The following PDE1C variants were observed in gnomAD, a reference collection of about 807,000 sequenced individuals.
PDE1C encodes dual specificity calcium/calmodulin-dependent 3',5'-cyclic nucleotide phosphodiesterase 1C.
PDE1C carries 62 observed loss-of-function variants against 93.1 expected under a neutral mutation model. That is an observed-to-expected ratio of 0.67 (90% CI 0.54 to 0.82). The LOEUF (loss-of-function observed/expected upper bound fraction) is 0.82. PDE1C is among the 40% of genes least tolerant of loss of function. PDE1C has a pLI of 0.00. For missense variants in PDE1C, 742 were observed against 884.6 expected (o/e 0.84, Z 2.04); for synonymous variants, 325 against 310.1 (o/e 1.05, Z -0.50).
At chr7:31,691,261 C>T in the PDE1C span, among the ~76,000 whole-genome samples, 3 of 152,236 alleles carry the variant, frequency 2.0e-5, no homozygotes, top group South Asian at 2.1e-4. Flanking sequence ...CAGAGAAAAC[C>T]GGTTTATTCC....
At chr7:31,784,243 A>C (rs1783685060) in intron 16 of PDE1C, 1 of 152,138 alleles carries the variant, frequency 6.6e-6, no homozygotes, top group Non-Finnish European at 1.5e-5. Flanking sequence ...TTAGGATGCT[A>C]TGTATTTAAT....
chr7:31,966,810 C>G (rs1810056235), intron 2 of PDE1C, among the ~76,000 whole-genome samples: 1 of 152,184 alleles, frequency 6.6e-6, no homozygotes, highest in South Asian at 2.1e-4. Context: ...GAAACACACT[C>G]AAAACCACTC....
chr7:31,720,530 C>T, the PDE1C span, among the ~76,000 whole-genome samples: 1 of 152,264 alleles, frequency 6.6e-6, no homozygotes, highest in South Asian at 2.1e-4. Flanking sequence ...TTTGATATAA[C>T]CTGTGCATTT....
chr7:31,707,092 G>T, the PDE1C span: 1 of 906,144 alleles, frequency 1.1e-6, no homozygotes, highest in South Asian at 1.8e-5. Context: ...TAACCTTGTA[G>T]ACACTAAGAG....
chr7:31,671,974 A>G, the PDE1C span, among the ~76,000 whole-genome samples: 10 of 152,182 alleles, frequency 6.6e-5, no homozygotes, highest in Admixed American at 2.0e-4. Flanking sequence ...CATAACTTCT[A>G]TTCTTTCAGG....
chr7:31,730,746 A>G, the PDE1C span, among the ~76,000 whole-genome samples: 7 of 152,092 alleles, frequency 4.6e-5, no homozygotes, highest in Non-Finnish European at 1.0e-4. Context: ...TAATAAATGC[A>G]ACCATGGCTA....
chr7:31,823,503 T>A (rs1789262520), intron 13 of PDE1C, among the ~76,000 whole-genome samples: 1 of 152,144 alleles, frequency 6.6e-6, no homozygotes. Context: ...ATTTGGCCTC[T>A]TCTTTTTTCC....
At chr7:32,283,999 A>T (rs1210944034) in intron 1 of PDE1C, among the ~76,000 whole-genome samples, 1 of 152,212 alleles carries the variant, frequency 6.6e-6, no homozygotes, top group East Asian at 1.9e-4. Context: ...GGGAAGAAGC[A>T]TCCCGAGGAC....
chr7:31,708,692 A>C, the PDE1C span, among the ~76,000 whole-genome samples: 1 of 152,228 alleles, frequency 6.6e-6, no homozygotes, highest in African/African-American at 2.4e-5. Context: ...AGACCTGTCA[A>C]TTTGGGCCTG....
intron 1 of PDE1C, among the ~76,000 whole-genome samples, chr7:32,368,343 G>T (rs1207880689): frequency 2.0e-5 from 3 of 152,088 alleles, no homozygotes; most frequent in Non-Finnish European, 4.4e-5. Flanking sequence ...AATCAGTGGT[G>T]TTTCTATACA....
At chr7:31,718,611 G>A in the PDE1C span, among the ~76,000 whole-genome samples, 4 of 152,196 alleles carry the variant, frequency 2.6e-5, no homozygotes, top group South Asian at 6.2e-4. Flanking sequence ...CAGCACCAGA[G>A]TGCTAGGGGC....
chr7:32,280,845 TG>T (rs199708405), intron 1 of PDE1C, among the ~76,000 whole-genome samples: 2 of 151,156 alleles, frequency 1.3e-5, no homozygotes, highest in South Asian at 2.1e-4. Context: ...ATTATCAGAG[TG>T]TGGTGGTACA....
intron 1 of PDE1C, among the ~76,000 whole-genome samples, chr7:32,279,607 AAAAAT>A (rs1194256511): frequency 6.6e-6 from 1 of 152,178 alleles, no homozygotes; most frequent in Non-Finnish European, 1.5e-5. Flanking sequence ...TTTGTCAATT[AAAAAT>A]AAAATAAAAC....
At chr7:32,153,321 G>A (rs1039516125) in intron 3 of PDE1C, among the ~76,000 whole-genome samples, 1 of 152,180 alleles carries the variant, frequency 6.6e-6, no homozygotes, top group Non-Finnish European at 1.5e-5. Flanking sequence ...ATCTTTAGAT[G>A]CCCATTCCAG....
intron 1 of PDE1C, among the ~76,000 whole-genome samples, chr7:32,231,192 A>G (rs1322645733): frequency 1.3e-5 from 2 of 152,190 alleles, no homozygotes; most frequent in Non-Finnish European, 2.9e-5. Flanking sequence ...AATTATGAAA[A>G]TCACACCCAA....
chr7:32,122,518 T>A (rs1393339925), intron 3 of PDE1C, among the ~76,000 whole-genome samples: 1 of 151,980 alleles, frequency 6.6e-6, no homozygotes, highest in Non-Finnish European at 1.5e-5. Context: ...AACAGTCTCT[T>A]AGACCACAAT....
At chr7:31,876,617 A>T (rs537596898) in intron 5 of PDE1C, among the ~76,000 whole-genome samples, 4 of 152,226 alleles carry the variant, frequency 2.6e-5, no homozygotes, top group African/African-American at 9.6e-5. Context: ...TTGAACATTC[A>T]GGTTCAATTA....
At chr7:31,993,490 T>A (rs1784382013) in intron 2 of PDE1C, among the ~76,000 whole-genome samples, 1 of 152,136 alleles carries the variant, frequency 6.6e-6, no homozygotes, top group Non-Finnish European at 1.5e-5. Context: ...ACAAGTCTCC[T>A]AAGTGATCAA....
At chr7:32,424,155 A>G (rs1785485737) in intron 1 of PDE1C, among the ~76,000 whole-genome samples, 1 of 152,256 alleles carries the variant, frequency 6.6e-6, no homozygotes, top group African/African-American at 2.4e-5. Flanking sequence ...CCTAGAAAAC[A>G]TCTGCACCTG....
Sources: gnomAD v4.1 joint callset for allele counts (sites outside exome capture counted in the v4.1 genomes callset) on GRCh38, gnomAD v4.1.1 for gene constraint, MANE v1.5 for transcripts, NCBI Gene and HGNC (gene_info 2026-07-23, HGNC 2026-07-21) for gene names.